The following RIT2 variants were observed in gnomAD, a reference collection of about 807,000 sequenced individuals.
RIT2 encodes Ras like without CAAX 2, also known as GTP-binding protein Rit2.
Under a neutral mutation model 23.7 loss-of-function variants are expected in RIT2, and 24 were observed. The ratio of observed to expected loss-of-function variants is 1.01; its 90% CI spans 0.73 to 1.43. RIT2 has a LOEUF of 1.43. Ranked by LOEUF, RIT2 falls within the 40% of genes most tolerant of loss-of-function variation. The pLI, the probability that RIT2 is intolerant of heterozygous loss-of-function variation, is 0.00. For synonymous variants in RIT2, 107 were observed against 91.1 expected (o/e 1.17, Z -0.99); for missense variants, 236 against 266.9 (o/e 0.88, Z 0.81).
At chr18:42,952,509 T>C (rs1909875720) in intron 3 of RIT2, among the ~76,000 whole-genome samples, 1 of 152,006 alleles carries the variant, frequency 6.6e-6, no homozygotes, top group Non-Finnish European at 1.5e-5. Context: ...TGGAAATTTT[T>C]CTGAGAGGGT....
intron 1 of RIT2, among the ~76,000 whole-genome samples, chr18:43,066,391 T>C (rs1202076574): frequency 1.3e-5 from 2 of 152,212 alleles, no homozygotes; most frequent in Admixed American, 6.5e-5. Flanking sequence ...CACTGTCTTA[T>C]AGGCAATTGC....
At chr18:43,097,762 G>A (rs1412926620) in intron 1 of RIT2, among the ~76,000 whole-genome samples, 2 of 151,924 alleles carry the variant, frequency 1.3e-5, no homozygotes, top group Non-Finnish European at 2.9e-5. Flanking sequence ...TCGCTACAGA[G>A]CTCTTTATTA....
chr18:43,077,324 T>G (rs1913049589), intron 1 of RIT2, among the ~76,000 whole-genome samples: 1 of 152,214 alleles, frequency 6.6e-6, no homozygotes, highest in Admixed American at 6.5e-5. Context: ...AAGAAATCCA[T>G]CTATTAGGTA....
intron 4 of RIT2, among the ~76,000 whole-genome samples, chr18:42,836,808 C>T (rs1444910669): frequency 1.3e-5 from 2 of 152,128 alleles, no homozygotes; most frequent in African/African-American, 4.8e-5. Flanking sequence ...GAGTTAAGTA[C>T]ATCACAGTTT....
chr18:42,869,414 G>A (rs972733357), intron 4 of RIT2, among the ~76,000 whole-genome samples: 2 of 152,304 alleles, frequency 1.3e-5, no homozygotes, highest in East Asian at 3.9e-4. Context: ...TCCATTGCCT[G>A]GGTTTTGGGG....
intron 1 of RIT2, among the ~76,000 whole-genome samples, chr18:43,107,102 G>A (rs956868790): frequency 2.0e-5 from 3 of 152,112 alleles, no homozygotes; most frequent in African/African-American, 4.8e-5. Flanking sequence ...AGAAATAATC[G>A]GTCATAGGCA....
intron 2 of RIT2, among the ~76,000 whole-genome samples, chr18:42,981,151 G>C (rs1332558917): frequency 6.6e-6 from 1 of 151,892 alleles, no homozygotes; most frequent in African/African-American, 2.4e-5. Context: ...GGGGATGAAG[G>C]GGAAGAGAAG....
At chr18:42,743,962 T>C (rs1598636934) in intron 4 of RIT2, among the ~76,000 whole-genome samples, 1 of 152,228 alleles carries the variant, frequency 6.6e-6, no homozygotes, top group East Asian at 1.9e-4. Flanking sequence ...AAATGGCAGG[T>C]CCTTGCCTTA....
At chr18:42,906,022 G>GTA (rs1328715126) in intron 4 of RIT2, among the ~76,000 whole-genome samples, 2 of 10,036 alleles carry the variant, frequency 2.0e-4, no homozygotes, top group African/African-American at 4.1e-4. Context: ...ATATATATAT[G>GTA]TATATATATA....
chr18:43,088,639 A>G (rs780777168), intron 1 of RIT2, among the ~76,000 whole-genome samples: 1 of 152,186 alleles, frequency 6.6e-6, no homozygotes, highest in South Asian at 2.1e-4. Flanking sequence ...TTTGTCCACA[A>G]ATATTTTCTT....
intron 1 of RIT2, among the ~76,000 whole-genome samples, chr18:43,085,515 ACCAG>A (rs1913262532): frequency 6.6e-6 from 1 of 152,018 alleles, no homozygotes; most frequent in Non-Finnish European, 1.5e-5. Flanking sequence ...CTCCTTTCCT[ACCAG>A]CCTCTGGTAA....
At chr18:43,064,225 G>T (rs1022742467) in intron 1 of RIT2, among the ~76,000 whole-genome samples, 1 of 152,116 alleles carries the variant, frequency 6.6e-6, no homozygotes, top group Admixed American at 6.6e-5. Context: ...TAGCATCTTC[G>T]TAACTACAGA....
At chr18:42,918,339 C>G (rs1908966210) in intron 4 of RIT2, among the ~76,000 whole-genome samples, 1 of 152,064 alleles carries the variant, frequency 6.6e-6, no homozygotes, top group Non-Finnish European at 1.5e-5. Flanking sequence ...GTTTTGTTTT[C>G]TGTCTCAATT....
At chr18:42,976,947 G>A (rs1361370256) in intron 2 of RIT2, among the ~76,000 whole-genome samples, 3 of 152,066 alleles carry the variant, frequency 2.0e-5, no homozygotes, top group Non-Finnish European at 4.4e-5. Context: ...GTGACTAATT[G>A]TGTGAGAAAA....
chr18:42,999,827 G>T (rs1035298556), intron 2 of RIT2, among the ~76,000 whole-genome samples: 1 of 151,978 alleles, frequency 6.6e-6, no homozygotes, highest in Admixed American at 6.6e-5. Flanking sequence ...TGGCAAAAAC[G>T]GCAGACCTCT....
chr18:42,908,838 T>G (rs141008628), intron 4 of RIT2, among the ~76,000 whole-genome samples: 107 of 152,284 alleles, frequency 7.0e-4, no homozygotes, highest in African/African-American at 2.5e-3. Flanking sequence ...GTTTTGCCAT[T>G]GTTTTAAATG....
At chr18:42,864,712 T>C (rs1475621738) in intron 4 of RIT2, among the ~76,000 whole-genome samples, 1 of 152,218 alleles carries the variant, frequency 6.6e-6, no homozygotes, top group East Asian at 1.9e-4. Context: ...GAGCCTGAGT[T>C]ACACTAATGT....
chr18:42,878,565 C>CTGTGTGTGTGTGTGTGTG (rs71371607), intron 4 of RIT2, among the ~76,000 whole-genome samples: 2 of 147,496 alleles, frequency 1.4e-5, no homozygotes, highest in African/African-American at 5.0e-5. Flanking sequence ...AGATTCAACT[C>CTGTGTGTGTGTGTGTGTG]TGTGTGTGTG....
intron 2 of RIT2, among the ~76,000 whole-genome samples, chr18:42,986,495 T>C (rs1910713219): frequency 6.6e-6 from 1 of 152,066 alleles, no homozygotes. Flanking sequence ...ATTTTTATTA[T>C]GCATTTTATT....
Sources: allele counts gnomAD v4.1 joint callset (sites outside exome capture counted in the v4.1 genomes callset), GRCh38; gene constraint gnomAD v4.1.1; transcripts MANE v1.5; gene names NCBI Gene and HGNC (gene_info 2026-07-23, HGNC 2026-07-21).